PEX7: variants seen among roughly 807,000 people sequenced by gnomAD.
PEX7 encodes peroxisomal biogenesis factor 7, also known as PTS2 receptor.
PEX7 carries 34 observed loss-of-function variants against 47.5 expected under a neutral mutation model. The ratio of observed to expected loss-of-function variants is 0.72; its 90% confidence interval spans 0.54 to 0.95. The LOEUF (loss-of-function observed/expected upper bound fraction) is 0.95. PEX7 is among the 40% of genes least tolerant of loss of function. The pLI, the probability that PEX7 is intolerant of heterozygous loss-of-function variation, is 0.00. For synonymous variants in PEX7, 141 were observed against 148.8 expected, an observed-to-expected ratio of 0.95 and a Z score of 0.38; for missense variants, 394 against 400.3, an observed-to-expected ratio of 0.98 and a Z score of 0.13.
chr6:136,867,961 A>C (rs1376045138), intron 6 of PEX7, among the ~76,000 whole-genome samples: 1 of 150,816 alleles, frequency 6.6e-6, no homozygotes, highest in Non-Finnish European at 1.5e-5. Context: ...ACTCACCCAG[A>C]GTAATTTCCA....
At chr6:136,853,125 T>G (rs1774790783) in intron 5 of PEX7, among the ~76,000 whole-genome samples, 3 of 152,294 alleles carry the variant, frequency 2.0e-5, no homozygotes, top group Admixed American at 6.5e-5. Context: ...AAACTGATGG[T>G]TTTTATAAAT....
intron 9 of PEX7, among the ~76,000 whole-genome samples, chr6:136,911,702 C>T (rs1335959726): frequency 1.6e-5 from 2 of 123,536 alleles, no homozygotes; most frequent in South Asian, 2.9e-4. Context: ...CCACTTTGCC[C>T]AGCCTTGTTT....
intron 8 of PEX7, among the ~76,000 whole-genome samples, chr6:136,896,416 A>G (rs772680277): frequency 1.3e-5 from 2 of 152,206 alleles, no homozygotes; most frequent in Non-Finnish European, 2.9e-5. Flanking sequence ...CTGACAAAGC[A>G]TCTGTATGTT....
At chr6:136,856,775 C>T (rs970446604) in intron 5 of PEX7, among the ~76,000 whole-genome samples, 1 of 152,046 alleles carries the variant, frequency 6.6e-6, no homozygotes, top group Non-Finnish European at 1.5e-5. Context: ...TGGATGGAGT[C>T]GAAGGGGCCA....
chr6:136,862,182 C>G (rs949235012), intron 5 of PEX7, among the ~76,000 whole-genome samples: 1 of 150,468 alleles, frequency 6.6e-6, no homozygotes, highest in African/African-American at 2.4e-5. Context: ...TTCTTATGCC[C>G]CAGCGTCTTG....
chr6:136,856,735 A>G (rs1476546471), intron 5 of PEX7, among the ~76,000 whole-genome samples: 1 of 152,224 alleles, frequency 6.6e-6, no homozygotes, highest in Non-Finnish European at 1.5e-5. Context: ...TGAGGATGGA[A>G]AGAGTGAATC....
intron 3 of PEX7, among the ~76,000 whole-genome samples, chr6:136,837,451 G>A (rs1774411906): frequency 6.6e-6 from 1 of 151,542 alleles, no homozygotes; most frequent in Admixed American, 6.6e-5. Context: ...GTTAAATGGG[G>A]AATAGTTATA....
At chr6:136,856,717 A>G (rs1774868185) in intron 5 of PEX7, among the ~76,000 whole-genome samples, 1 of 152,202 alleles carries the variant, frequency 6.6e-6, no homozygotes, top group South Asian at 2.1e-4. Flanking sequence ...TACCCAAACA[A>G]CATGGATTGA....
chr6:136,851,419 G>T, intron 5 of PEX7, among the ~76,000 whole-genome samples: 1 of 60,868 alleles, frequency 1.6e-5, no homozygotes, highest in Non-Finnish European at 3.0e-5. Flanking sequence ...ATTTGGGTTG[G>T]TTCCAAGTCT....
chr6:136,874,946 C>T (rs1423896451), intron 8 of PEX7, among the ~76,000 whole-genome samples: 9 of 152,036 alleles, frequency 5.9e-5, no homozygotes, highest in African/African-American at 2.2e-4. Flanking sequence ...TCAAGACCAG[C>T]CTGACCAACA....
At chr6:136,836,673 C>T (rs770675903) in intron 3 of PEX7, among the ~76,000 whole-genome samples, 2 of 152,140 alleles carry the variant, frequency 1.3e-5, no homozygotes, top group Non-Finnish European at 2.9e-5. Context: ...ATAATTAGGC[C>T]TGGGCATAGT....
At position 136,913,708 on chromosome 6, in the gene PEX7, C is replaced by G. The variant is rs1342570213; in HGVS notation, c.*182C>G. 4 of 612,220 alleles carry G rather than the reference C, an allele frequency of 6.5e-6. No individual in the cohort carries two copies. The South Asian group carries it at 7.8e-5, about 12-fold the overall frequency. The allele number at this position is 612,220 out of a possible 1,614,324, so 37.9% of individuals were successfully genotyped here. ...AAAGACTTTAGCTGACTCGTTAAGCCTGATACATAAGCCATATTTAAAATT... is the reference window on the plus strand; with the variant it reads ...AAAGACTTTAGCTGACTCGTTAAGCGTGATACATAAGCCATATTTAAAATT... On this transcript the variant is annotated 3_prime_UTR_variant, in exon 10 of 10. Coordinates refer to ENST00000318471, the MANE Select transcript of PEX7 (RefSeq NM_000288.4).
intron 8 of PEX7, among the ~76,000 whole-genome samples, chr6:136,877,648 C>T (rs1441519621): frequency 6.6e-6 from 1 of 152,078 alleles, no homozygotes; most frequent in Non-Finnish European, 1.5e-5. Context: ...ATTTCTGAGG[C>T]CTCCTTTCTC....
intron 7 of PEX7, among the ~76,000 whole-genome samples, chr6:136,871,459 CAT>C (rs1775180062): frequency 6.6e-6 from 1 of 152,128 alleles, no homozygotes; most frequent in Non-Finnish European, 1.5e-5. Flanking sequence ...TTATAGCAAT[CAT>C]ATATTTGTAA....
At chr6:136,899,243 A>G (rs1424970781) in intron 9 of PEX7, among the ~76,000 whole-genome samples, 2 of 137,590 alleles carry the variant, frequency 1.5e-5, no homozygotes, top group African/African-American at 2.9e-5. Flanking sequence ...ACCACACCCA[A>G]TTAATTTTTT....
chr6:136,822,988 G>A, intron 1 of PEX7, 193 bp downstream of exon 1: 1 of 985,490 alleles, frequency 1.0e-6, no homozygotes, highest in Non-Finnish European at 1.2e-6. Flanking sequence ...GTCTGAAGCA[G>A]GAGTCGATCT....
At chr6:136,856,894 T>C (rs1431544237) in intron 5 of PEX7, among the ~76,000 whole-genome samples, 1 of 151,916 alleles carries the variant, frequency 6.6e-6, no homozygotes, top group Non-Finnish European at 1.5e-5. Context: ...TCAAAAACTT[T>C]CCTTGTGAAA....
At chr6:136,853,842 A>G (rs1469897413) in intron 5 of PEX7, among the ~76,000 whole-genome samples, 1 of 152,222 alleles carries the variant, frequency 6.6e-6, no homozygotes, top group African/African-American at 2.4e-5. Context: ...ATAAAAATTA[A>G]TAGCTTTCTT....
intron 8 of PEX7, among the ~76,000 whole-genome samples, chr6:136,888,588 A>G (rs1009117490): frequency 2.0e-5 from 3 of 152,164 alleles, no homozygotes; most frequent in Non-Finnish European, 4.4e-5. Flanking sequence ...TAATCCTTGC[A>G]AGGATATTTT....
Sources: gnomAD v4.1 joint callset for allele counts (sites outside exome capture counted in the v4.1 genomes callset) on GRCh38, gnomAD v4.1.1 for gene constraint, MANE v1.5 for transcripts, NCBI Gene and HGNC (gene_info 2026-07-23, HGNC 2026-07-21) for gene names.